Variants in DENND4C observed in about 807,000 individuals in gnomAD.
DENND4C encodes the protein DENN domain containing 4C.
DENND4C carries 108 observed loss-of-function variants against 203.0 expected under a neutral mutation model. The ratio of observed to expected loss-of-function variants is 0.53; its 90% CI spans 0.46 to 0.62. The LOEUF is 0.62. Among genes scored for constraint, DENND4C ranks in the 20% least tolerant of loss-of-function variants. DENND4C has a pLI of 0.00. For missense variants in DENND4C, 2,481 were observed against 2,301.2 expected, an observed-to-expected ratio of 1.08 and a Z score of -1.60; for synonymous variants, 871 against 792.4, an observed-to-expected ratio of 1.10 and a Z score of -1.67.
intron 17 of DENND4C, among the ~76,000 whole-genome samples, chr9:19,333,035 AAT>A (rs1554637747): frequency 2.0e-5 from 3 of 150,020 alleles, no homozygotes; most frequent in Non-Finnish European, 3.0e-5. Flanking sequence ...TTTATATTTA[AAT>A]ATATATATAT....
At chr9:19,336,980 G>A in intron 20 of DENND4C, 148 bp downstream of exon 20, 1 of 783,454 alleles carries the variant, frequency 1.3e-6, no homozygotes, top group South Asian at 2.0e-5. Flanking sequence ...CGAGTCTGCA[G>A]ATGACTTCTG....
At position 19,345,948 on chromosome 9, in the gene DENND4C, C is replaced by T. The variant is rs746706328; in HGVS notation, c.3179C>T (p.Thr1060Ile). ...TGSISNVLFS[T>I]QDPVEDAVFG... Reference sequence around the variant, plus strand: ...AGTATATCAAATGTGCTGTTTTCTACTCAAGATCCAGTTGAAGATGCAGTC... The same window carrying T: ...AGTATATCAAATGTGCTGTTTTCTATTCAAGATCCAGTTGAAGATGCAGTC... The change falls in exon 23 of 33, where the codon ACT (threonine) becomes ATT (isoleucine). Residue 1060 changes from threonine (T) to isoleucine (I), a missense_variant. Around this residue, in one of 3 missense-constraint regions of DENND4C, gnomAD observed 2,289 missense variants for 2,113.3 expected, o/e 1.08. Transcript: ENST00000434457. 1.9e-6 allele frequency: 3 copies of T among 1,613,356 alleles called. No homozygotes were observed. The highest frequency in any genetic ancestry group is 2.5e-6 in the Non-Finnish European group (3 of 1,179,790).
At chr9:19,230,929 G>T (rs1055316509) in intron 1 of DENND4C, 96 bp downstream of exon 1, 5 of 152,472 alleles carry the variant, frequency 3.3e-5, no homozygotes, top group Middle Eastern at 3.4e-3. Flanking sequence ...GACAGGTAGA[G>T]CCCGGAGGGC....
At chr9:19,335,830 T>G (rs1224698974) in intron 18 of DENND4C, among the ~76,000 whole-genome samples, 1 of 152,192 alleles carries the variant, frequency 6.6e-6, no homozygotes, top group Non-Finnish European at 1.5e-5. Flanking sequence ...GGAGTACAGA[T>G]CTCTCTTCAA....
chr9:19,245,917 C>T (rs1230557271), intron 1 of DENND4C, among the ~76,000 whole-genome samples: 1 of 151,032 alleles, frequency 6.6e-6, no homozygotes, highest in Non-Finnish European at 1.5e-5. Context: ...TCTACTAACT[C>T]ACATACTCCA....
At position 19,361,873 on chromosome 9, in the gene DENND4C, A is replaced by T; in HGVS notation, c.5434A>T (p.Ser1812Cys). 1.9e-6 allele frequency: 3 copies of T among 1,610,932 alleles called. No homozygotes were observed. Among genetic ancestry groups the T allele is most frequent in the Non-Finnish European group, 2.5e-6 (3 of 1,177,094 alleles). The change falls in exon 30 of 33, where the codon AGC becomes TGC. Residue 1812 changes from serine (S) to cysteine (C), a missense_variant. Physicochemically the swap from Ser to Cys is moderately radical, Grantham distance 112. Around this residue, in one of 3 missense-constraint regions of DENND4C, gnomAD observed 2,289 missense variants for 2,113.3 expected, o/e 1.08. Coordinates refer to ENST00000434457, the MANE Select transcript of DENND4C (RefSeq NM_001330640.2). The stretch of plus-strand genomic sequence containing the variant: ...TCCTCTGTCATCTCTGTCCCAGGAT[A>T]GCAAACTTGTGTATATTCAGCTGTT... Reference protein sequence around the residue: ...QLPLSSLSQDSKLVYIQLLWD... With the variant: ...QLPLSSLSQDCKLVYIQLLWD...
rs1039198395 is a variant in DENND4C at position 19,358,559 on chromosome 9, A to G, written c.5160+399A>G. On this transcript the variant is annotated intron_variant, in intron 28 of 32. Coordinates refer to ENST00000434457, the MANE Select transcript of DENND4C (RefSeq NM_001330640.2). The surrounding 1 kb of genome is among the most constrained non-coding windows in gnomAD (Gnocchi z 4.8). ...TATCATACAAAAAAAACCCCAAATA[A>G]TAGTATCAAGTTATTTAGTCTGTTC... Among the ~76,000 whole-genome samples, 3 of 151,874 alleles carry G rather than the reference A, an allele frequency of 2.0e-5. No individual in the cohort carries two copies. The highest frequency in any genetic ancestry group is 4.4e-5 in the Non-Finnish European group (3 of 68,028).
At chr9:19,256,769 T>A (rs1476953226) in intron 1 of DENND4C, among the ~76,000 whole-genome samples, 1 of 151,936 alleles carries the variant, frequency 6.6e-6, no homozygotes, top group Non-Finnish European at 1.5e-5. Flanking sequence ...AAATATTTTT[T>A]AAAAAAGGAA....
At chr9:19,365,139 A>T (rs2132273400) in intron 30 of DENND4C, among the ~76,000 whole-genome samples, 1 of 152,348 alleles carries the variant, frequency 6.6e-6, no homozygotes, top group African/African-American at 2.4e-5. Flanking sequence ...AGTAATATAG[A>T]CATAAAAATC....
chr9:19,354,630 C>T (rs1250729677), intron 26 of DENND4C, among the ~76,000 whole-genome samples: 1 of 140,862 alleles, frequency 7.1e-6, no homozygotes, highest in Non-Finnish European at 1.5e-5. Context: ...TCTTGGCCTA[C>T]AACGTCTGCC....
chr9:19,234,397 A>T (rs1020555738), intron 1 of DENND4C, among the ~76,000 whole-genome samples: 1 of 151,698 alleles, frequency 6.6e-6, no homozygotes, highest in African/African-American at 2.4e-5. Context: ...CGCCTGGCTA[A>T]ATTTTTTTAT....
chr9:19,303,066 T>C (rs996860819), intron 9 of DENND4C, among the ~76,000 whole-genome samples: 7 of 152,158 alleles, frequency 4.6e-5, no homozygotes, highest in African/African-American at 7.2e-5. Flanking sequence ...TCTAAAATGC[T>C]TGGAAAGAAG....
At position 19,357,144 on chromosome 9, in the gene DENND4C, G is replaced by A. The variant is rs763534147; in HGVS notation, c.4954G>A (p.Val1652Ile). The A allele has an allele frequency of 6.2e-7, 1 of 1,613,874 alleles. No homozygotes were observed. Among genetic ancestry groups the A allele is most frequent in the East Asian group, 2.2e-5 (1 of 44,840 alleles). Residue 1652 changes from valine (V) to isoleucine (I), a missense_variant, in exon 27 of 33, where the codon GTT (valine) becomes ATT (isoleucine). Physicochemically the swap from Val to Ile is conservative, Grantham distance 29. Around this residue, in one of 3 missense-constraint regions of DENND4C, gnomAD observed 2,289 missense variants for 2,113.3 expected, o/e 1.08. Transcript: ENST00000434457. ...QIITEETGSAVEPSDEIKRAS... is the reference protein window; with the variant it reads ...QIITEETGSAIEPSDEIKRAS... ...CATAACTGAAGAAACAGGCTCTGCA[G>A]TTGAACCAAGGTATCAAAGGGTACA...
intron 1 of DENND4C, among the ~76,000 whole-genome samples, chr9:19,267,292 G>T (rs1830697738): frequency 6.6e-6 from 1 of 152,160 alleles, no homozygotes; most frequent in Non-Finnish European, 1.5e-5. Flanking sequence ...GTGCTCCAGT[G>T]TTGGGTGCAT....
At chr9:19,258,109 C>T (rs1828431533) in intron 1 of DENND4C, among the ~76,000 whole-genome samples, 1 of 140,926 alleles carries the variant, frequency 7.1e-6, no homozygotes, top group Admixed American at 7.5e-5. Context: ...CAGAGTAAGA[C>T]CCTGTCTCAA....
rs200723777 is a variant in DENND4C, at chr9:19,324,425, T to C, written c.1871T>C (p.Ile624Thr). Residue 624 changes from isoleucine (I) to threonine (T), a missense_variant, in exon 13 of 33, where the codon ATT becomes ACT. Transcript: ENST00000434457. ...KFYTLLSKTQ[I>T]FIRFIEECSF... is the part of the protein sequence containing the mutation. ...TATACCCTTTTATCCAAAACACAGATTTTTATTCGTTTCATTGAAGAATGC... is the reference window on the plus strand; with the variant it reads ...TATACCCTTTTATCCAAAACACAGACTTTTATTCGTTTCATTGAAGAATGC... The C allele has an allele frequency of 6.2e-7, 1 of 1,612,942 alleles. No individual in the cohort carries two copies. The highest frequency in any genetic ancestry group is 8.5e-7 in the Non-Finnish European group (1 of 1,179,532).
In DENND4C at chr9:19,302,753, A is replaced by C. The variant is rs922066416; in HGVS notation, c.1311+2422A>C. Among the ~76,000 whole-genome samples the C allele has an allele frequency of 2.3e-4, 35 of 152,174 alleles. 1 individual carries two copies. The highest frequency in any genetic ancestry group is 5.9e-5 in the Non-Finnish European group (4 of 68,026). On this transcript the variant is annotated intron_variant, in intron 9 of 32. Transcript: ENST00000434457. ...CTCTTCCTCTTGCTCACTCTTCTCC[A>C]GCATTCTGGCCTTACCATCCCGGGA...
intron 1 of DENND4C, among the ~76,000 whole-genome samples, chr9:19,245,585 G>A (rs1388348091): frequency 2.0e-5 from 3 of 151,664 alleles, no homozygotes; most frequent in East Asian, 3.9e-4. Context: ...GGCCGGGCGC[G>A]GTGGCTCACT....
At chr9:19,250,476 G>C (rs905920782) in intron 1 of DENND4C, among the ~76,000 whole-genome samples, 1 of 151,870 alleles carries the variant, frequency 6.6e-6, no homozygotes, top group Non-Finnish European at 1.5e-5. Context: ...ATCTGCCCCC[G>C]CTCAGCCTCC....
Sources: allele counts gnomAD v4.1 joint callset (sites outside exome capture counted in the v4.1 genomes callset), GRCh38; gene constraint gnomAD v4.1.1; regional missense constraint gnomAD v4.1.1; non-coding constraint Gnocchi (gnomAD v3.1); transcripts MANE v1.5; gene names NCBI Gene and HGNC (gene_info 2026-07-23, HGNC 2026-07-21).